The following CDK14 variants were observed in gnomAD, a reference collection of about 807,000 sequenced individuals.
CDK14 encodes the protein cyclin dependent kinase 14.
A neutral mutation model predicts 60.7 loss-of-function variants in CDK14; 34 were observed. The ratio of observed to expected loss-of-function variants is 0.56; its 90% CI spans 0.43 to 0.75. CDK14 has a LOEUF of 0.75. Ranked by LOEUF, CDK14 falls within the 30% of genes least tolerant of loss-of-function variation. The pLI is 0.00. For synonymous variants in CDK14, 197 were observed against 203.7 expected, an observed-to-expected ratio of 0.97 and a Z score of 0.28; for missense variants, 482 against 564.1, an observed-to-expected ratio of 0.85 and a Z score of 1.47.
chr7:90,670,606 A>G (rs559791722), intron 2 of CDK14, among the ~76,000 whole-genome samples: 3 of 152,228 alleles, frequency 2.0e-5, no homozygotes, highest in African/African-American at 7.2e-5. Context: ...GCAGAAGGCA[A>G]AGTGGGAGCA....
chr7:90,596,401 A>C lies in CDK14; in HGVS notation c.-227A>C. 3 of 255,568 alleles carry C rather than the reference A, an allele frequency of 1.2e-5. No homozygotes were observed. Among genetic ancestry groups the C allele is most frequent in the Non-Finnish European group, 7.4e-6 (1 of 135,610 alleles). 15.8% of individuals were successfully genotyped at this position (255,568 alleles called of 1,614,324 possible). A position where few individuals can be genotyped will look rare whatever the true frequency, so the allele number is the denominator to read the frequency against. ...GGCGGCGAGCGCGGCCGCCCCCGGCACCACGTAAACCGCCCCCGCCCGCCC... is the reference window on the plus strand; with the variant it reads ...GGCGGCGAGCGCGGCCGCCCCCGGCCCCACGTAAACCGCCCCCGCCCGCCC... On this transcript the variant is annotated 5_prime_UTR_variant, in exon 1 of 15. Transcript: ENST00000380050.
rs1188883208 is a variant in CDK14, at chr7:91,170,301, A to AAT, written c.*29-36863_*29-36862insTA. On this transcript the variant is annotated intron_variant, in intron 14 of 14. Coordinates refer to ENST00000380050, the MANE Select transcript of CDK14 (RefSeq NM_001287135.2). The stretch of plus-strand genomic sequence containing the variant: ...AGATACTGGATTTTGGGGCTCTTTT[A>AAT]ACATTCCCTACATGCTAATTTTATA... 3.3e-5 allele frequency among the ~76,000 whole-genome samples: 5 copies of AAT among 152,310 alleles called. No homozygotes were observed. The East Asian group carries it at 9.6e-4, about 29-fold the overall frequency.
chr7:90,610,284 A>G (rs535548033), intron 2 of CDK14, among the ~76,000 whole-genome samples: 10 of 152,108 alleles, frequency 6.6e-5, no homozygotes, highest in African/African-American at 2.2e-4. Flanking sequence ...ATCTTTTCCT[A>G]TCTTACCTAG....
chr7:90,839,991 G>A (rs192645830), intron 5 of CDK14, among the ~76,000 whole-genome samples: 65 of 152,282 alleles, frequency 4.3e-4, no homozygotes, highest in African/African-American at 1.3e-3. Flanking sequence ...TAAAAAGAAT[G>A]AAGGATGTGA....
chr7:90,634,017 T>C (rs1395746597), intron 2 of CDK14, among the ~76,000 whole-genome samples: 1 of 152,216 alleles, frequency 6.6e-6, no homozygotes, highest in Non-Finnish European at 1.5e-5. Context: ...TAAAACTTTA[T>C]ATTTGTATAA....
intron 14 of CDK14, among the ~76,000 whole-genome samples, chr7:91,171,414 G>T (rs1801514774): frequency 6.6e-6 from 1 of 152,082 alleles, no homozygotes; most frequent in South Asian, 2.1e-4. Flanking sequence ...CTCCATATTT[G>T]CTATGACTAG....
chr7:91,131,416 C>T (rs1035541162), intron 14 of CDK14, among the ~76,000 whole-genome samples: 6 of 152,168 alleles, frequency 3.9e-5, no homozygotes, highest in African/African-American at 7.2e-5. Flanking sequence ...TTAAAGCCAA[C>T]GTGATATCCA....
At chr7:90,638,799 A>G (rs9641068) in intron 2 of CDK14, among the ~76,000 whole-genome samples, 90,116 of 151,202 alleles carry the variant, frequency 0.6, 27,278 homozygotes, top group East Asian at 0.71. Flanking sequence ...TTTTCACATA[A>G]TCCCATATTT....
chr7:91,118,645 C>G (rs1799685367), intron 14 of CDK14, among the ~76,000 whole-genome samples: 1 of 152,198 alleles, frequency 6.6e-6, no homozygotes, highest in Non-Finnish European at 1.5e-5. Context: ...ATAAGCAACT[C>G]TAGCAATATT....
At chr7:90,719,066 GT>G (rs1444282090) in intron 2 of CDK14, among the ~76,000 whole-genome samples, 1 of 152,124 alleles carries the variant, frequency 6.6e-6, no homozygotes, top group Non-Finnish European at 1.5e-5. Flanking sequence ...CAGATTTTGA[GT>G]AGGATAAAGC....
chr7:90,780,601 G>T (rs904685151), intron 4 of CDK14, among the ~76,000 whole-genome samples: 26 of 123,990 alleles, frequency 2.1e-4, no homozygotes, highest in African/African-American at 1.3e-4. Flanking sequence ...ACATTCCCCA[G>T]AGTGTGATGT....
At chr7:90,825,138 A>T (rs990954246) in intron 5 of CDK14, among the ~76,000 whole-genome samples, 1 of 152,250 alleles carries the variant, frequency 6.6e-6, no homozygotes, top group Non-Finnish European at 1.5e-5. Context: ...AGGATGATGT[A>T]TATAACTAAA....
At chr7:90,846,429 T>G (rs1259794362) in intron 5 of CDK14, among the ~76,000 whole-genome samples, 1 of 152,228 alleles carries the variant, frequency 6.6e-6, no homozygotes, top group Non-Finnish European at 1.5e-5. Flanking sequence ...TTCTTTGAAC[T>G]GCCAGTCTGT....
intron 11 of CDK14, among the ~76,000 whole-genome samples, chr7:91,051,468 T>A (rs564746874): frequency 6.6e-6 from 1 of 152,340 alleles, no homozygotes; most frequent in East Asian, 1.9e-4. Flanking sequence ...GGTTCTGTGG[T>A]TAATGGTCTT....
intron 3 of CDK14, among the ~76,000 whole-genome samples, chr7:90,745,145 C>G (rs1191402667): frequency 1.3e-5 from 2 of 152,084 alleles, no homozygotes; most frequent in African/African-American, 4.8e-5. Flanking sequence ...GCAATATATT[C>G]TGATTTATTC....
chr7:91,013,656 G>GGT (rs1562868451), intron 10 of CDK14, among the ~76,000 whole-genome samples: 13 of 123,370 alleles, frequency 1.1e-4, no homozygotes, highest in East Asian at 2.5e-4. Context: ...CATTGCCTCT[G>GGT]TTTTTTTTTT....
intron 2 of CDK14, among the ~76,000 whole-genome samples, chr7:90,720,457 A>C (rs1802408162): frequency 6.6e-6 from 1 of 152,188 alleles, no homozygotes; most frequent in Non-Finnish European, 1.5e-5. Flanking sequence ...GTATTTGGCC[A>C]AGTGCCCACA....
chr7:90,817,995 T>C (rs1244881543), intron 5 of CDK14, among the ~76,000 whole-genome samples: 2 of 152,178 alleles, frequency 1.3e-5, no homozygotes, highest in African/African-American at 4.8e-5. Flanking sequence ...CCTAAGCCCA[T>C]CTGACTCTTA....
At chr7:90,818,159 A>AC (rs1789422202) in intron 5 of CDK14, among the ~76,000 whole-genome samples, 1 of 152,194 alleles carries the variant, frequency 6.6e-6, no homozygotes, top group Non-Finnish European at 1.5e-5. Context: ...AGTCAAATGC[A>AC]CACAGTCCTC....
Sources: gnomAD v4.1 joint callset for allele counts (sites outside exome capture counted in the v4.1 genomes callset) on GRCh38, gnomAD v4.1.1 for gene constraint, MANE v1.5 for transcripts, NCBI Gene and HGNC (gene_info 2026-07-23, HGNC 2026-07-21) for gene names.